ARHGAP39: variants seen among roughly 807,000 people sequenced by gnomAD.
ARHGAP39 encodes the protein rho GTPase-activating protein 39.
ARHGAP39 carries 44 observed loss-of-function variants against 106.9 expected under a neutral mutation model. The observed-to-expected ratio is 0.41, with a 90% CI of 0.32 to 0.53. The LOEUF (loss-of-function observed/expected upper bound fraction) is 0.53, where lower values mean the gene tolerates loss of function less well. ARHGAP39 is among the 20% of genes least tolerant of loss of function. The pLI is 0.21. For missense variants in ARHGAP39, 1,496 were observed against 1,577.3 expected (o/e 0.95, Z 0.87); for synonymous variants, 768 against 693.2 (o/e 1.11, Z -1.69).
intron 4 of ARHGAP39, among the ~76,000 whole-genome samples, chr8:144,555,149 G>T (rs1564845157): frequency 1.3e-5 from 2 of 152,266 alleles, no homozygotes; most frequent in African/African-American, 4.8e-5. Flanking sequence ...CTGTGAGGCT[G>T]ACCCAGGGCT....
At chr8:144,538,456 G>A (rs1427872159) in intron 6 of ARHGAP39, among the ~76,000 whole-genome samples, 1 of 151,962 alleles carries the variant, frequency 6.6e-6, no homozygotes, top group Non-Finnish European at 1.5e-5. Context: ...GTGGAGTTAG[G>A]CTCCAGCTCC....
intron 2 of ARHGAP39, among the ~76,000 whole-genome samples, chr8:144,584,854 G>A (rs1400461201): frequency 6.6e-6 from 1 of 152,096 alleles, no homozygotes; most frequent in Non-Finnish European, 1.5e-5. Context: ...CTGTCTGCCT[G>A]AGCGGTGTCT....
intron 3 of ARHGAP39, among the ~76,000 whole-genome samples, chr8:144,566,742 A>C (rs1380194246): frequency 6.6e-6 from 1 of 151,904 alleles, no homozygotes; most frequent in Non-Finnish European, 1.5e-5. Context: ...GTAATCCCAG[A>C]TACTTGGGAG....
intron 1 of ARHGAP39, among the ~76,000 whole-genome samples, chr8:144,610,226 C>G (rs1169568031): frequency 2.0e-5 from 3 of 152,112 alleles, no homozygotes; most frequent in Non-Finnish European, 1.5e-5. Context: ...TTTCACTTTT[C>G]TGGCTAGAAG....
chr8:144,559,902 C>A (rs549065797), intron 3 of ARHGAP39, among the ~76,000 whole-genome samples: 1 of 152,346 alleles, frequency 6.6e-6, no homozygotes, highest in South Asian at 2.1e-4. Flanking sequence ...TAATGGCAAC[C>A]TATCACCTGA....
At chr8:144,627,760 A>C (rs916071113) in intron 1 of ARHGAP39, among the ~76,000 whole-genome samples, 2 of 152,116 alleles carry the variant, frequency 1.3e-5, no homozygotes, top group African/African-American at 2.4e-5. Context: ...CCTGTCTCAA[A>C]AAAACAAAAC....
chr8:144,616,653 G>C (rs1300056855), intron 1 of ARHGAP39, among the ~76,000 whole-genome samples: 3 of 152,136 alleles, frequency 2.0e-5, no homozygotes, highest in Non-Finnish European at 4.4e-5. Flanking sequence ...GGGGAGGGCA[G>C]GGGGGGCCCA....
At chr8:144,573,373 A>G (rs1818651795) in intron 3 of ARHGAP39, among the ~76,000 whole-genome samples, 1 of 150,338 alleles carries the variant, frequency 6.7e-6, no homozygotes, top group Non-Finnish European at 1.5e-5. Flanking sequence ...ACCAAACACC[A>G]CATGTTCTCA....
At chr8:144,633,451 C>T (rs1000437156) in intron 1 of ARHGAP39, among the ~76,000 whole-genome samples, 8 of 151,876 alleles carry the variant, frequency 5.3e-5, no homozygotes, top group Non-Finnish European at 1.0e-4. Flanking sequence ...GAGTGAGACT[C>T]CGTCTCAAAA....
At position 144,676,424 on chromosome 8, in the gene ARHGAP39, C is replaced by A. The variant is rs557602374; in HGVS notation, c.-82+9262G>T. On this transcript the variant is annotated intron_variant, in intron 1 of 11. Coordinates refer to ENST00000377307, the MANE Select transcript of ARHGAP39 (RefSeq NM_025251.3). Reference sequence around the variant, plus strand: ...AACCTTGAGCTAGACACGGGTGCTGCTGACTGGTGCGTTTACAAACCTTGA... The same window carrying A: ...AACCTTGAGCTAGACACGGGTGCTGATGACTGGTGCGTTTACAAACCTTGA... 1.1e-3 allele frequency among the ~76,000 whole-genome samples: 135 copies of A among 125,614 alleles called. 1 individual carries two copies. The highest frequency in any genetic ancestry group is 2.5e-4 in the Non-Finnish European group (17 of 66,992). The allele number at this position is 125,614 out of a possible 152,430, so 82.4% of individuals were successfully genotyped here.
intron 4 of ARHGAP39, among the ~76,000 whole-genome samples, chr8:144,549,630 T>G (rs762356303): frequency 3.9e-5 from 6 of 152,090 alleles, no homozygotes; most frequent in Non-Finnish European, 7.4e-5. Context: ...GTAGCTGGGA[T>G]TACAGGCACA....
chr8:144,611,990 CAA>C (rs1360051409), intron 1 of ARHGAP39, among the ~76,000 whole-genome samples: 1 of 137,472 alleles, frequency 7.3e-6, no homozygotes, highest in African/African-American at 2.8e-5. Flanking sequence ...ACCTGGGTGA[CAA>C]GAGCAAAACT....
chr8:144,544,928 CTCGGCG>C (rs1817344881), intron 6 of ARHGAP39, among the ~76,000 whole-genome samples: 1 of 152,266 alleles, frequency 6.6e-6, no homozygotes, highest in Non-Finnish European at 1.5e-5. Context: ...CTGCTCCGCC[CTCGGCG>C]TCTTCGTGCC....
intron 1 of ARHGAP39, among the ~76,000 whole-genome samples, chr8:144,650,801 T>C (rs1821554789): frequency 6.6e-6 from 1 of 152,182 alleles, no homozygotes; most frequent in South Asian, 2.1e-4. Flanking sequence ...TACATCATAC[T>C]GAATGGTAAA....
intron 1 of ARHGAP39, among the ~76,000 whole-genome samples, chr8:144,618,643 T>C (rs904679569): frequency 1.3e-5 from 2 of 151,966 alleles, no homozygotes; most frequent in African/African-American, 2.4e-5. Context: ...CTCAGCCACC[T>C]CCCCCTCTGC....
At chr8:144,622,964 C>A (rs1205764050) in intron 1 of ARHGAP39, among the ~76,000 whole-genome samples, 1 of 152,246 alleles carries the variant, frequency 6.6e-6, no homozygotes. Flanking sequence ...AAGAAAGCCA[C>A]CATCCAGCCC....
intron 3 of ARHGAP39, among the ~76,000 whole-genome samples, chr8:144,575,394 A>G (rs1818734533): frequency 6.6e-6 from 1 of 152,186 alleles, no homozygotes. Flanking sequence ...TAACATACAC[A>G]TTGTACAACT....
At chr8:144,608,485 C>T (rs992452991) in intron 1 of ARHGAP39, among the ~76,000 whole-genome samples, 1 of 152,166 alleles carries the variant, frequency 6.6e-6, no homozygotes, top group Non-Finnish European at 1.5e-5. Flanking sequence ...CATCTGGGAC[C>T]CCACGCCACA....
Position 144,638,936 on chromosome 8 carries a change from T to C in ARHGAP39, c.-81-33241A>G, listed in dbSNP as rs186529506. On this transcript the variant is annotated intron_variant, in intron 1 of 11. Transcript: ENST00000377307. ...AGTCTGACTTTTTAAAACATCACTT[T>C]GCTGTTCACTTAGCAAAGGCTTGGG... Among the ~76,000 whole-genome samples the C allele has an allele frequency of 2.0e-5, 3 of 152,372 alleles. No homozygotes were observed. In the East Asian group the frequency reaches 5.8e-4, roughly 29 times the overall value.
Sources: allele counts gnomAD v4.1 joint callset (sites outside exome capture counted in the v4.1 genomes callset), GRCh38; gene constraint gnomAD v4.1.1; transcripts MANE v1.5; gene names NCBI Gene and HGNC (gene_info 2026-07-23, HGNC 2026-07-21).